MYCBP2: variants seen among roughly 807,000 people sequenced by gnomAD.
The protein encoded by MYCBP2 is E3 ubiquitin-protein ligase MYCBP2.
In MYCBP2, 120 loss-of-function variants were observed where a neutral mutation model predicts 525.3. The observed-to-expected ratio is 0.23, with a 90% CI of 0.20 to 0.27. The LOEUF (loss-of-function observed/expected upper bound fraction) is 0.27, where lower values mean the gene tolerates loss of function less well. Among genes scored for constraint, MYCBP2 ranks in the 10% least tolerant of loss-of-function variants. The probability of loss-of-function intolerance (pLI) is 1.00; values close to 1 mark genes in which losing one functional copy is unlikely to be tolerated. For synonymous variants in MYCBP2, 1,894 were observed against 1,955.8 expected, an observed-to-expected ratio of 0.97 and a Z score of 0.83; for missense variants, 4,149 against 5,657.1, an observed-to-expected ratio of 0.73 and a Z score of 8.55.
At chr13:77,107,478 C>T (rs552180138) in intron 55 of MYCBP2, among the ~76,000 whole-genome samples, 3 of 152,172 alleles carry the variant, frequency 2.0e-5, no homozygotes, top group African/African-American at 4.8e-5. Context: ...GGCTCAAGTC[C>T]GTTATCCTAG....
intron 1 of MYCBP2, among the ~76,000 whole-genome samples, chr13:77,300,985 G>A (rs939791113): frequency 1.3e-5 from 2 of 152,154 alleles, no homozygotes; most frequent in Non-Finnish European, 2.9e-5. Flanking sequence ...AAGGAAACAA[G>A]AGACTAGTAG....
chr13:77,062,649 C>G lies in MYCBP2; in HGVS notation c.12721G>C (p.Asp4241His). ...ATCCATCTCCCCGAGGAGAGACGATCTACGTGGTCCTGATCAAGAACACAT... is the reference window on the plus strand; with the variant it reads ...ATCCATCTCCCCGAGGAGAGACGATGTACGTGGTCCTGATCAAGAACACAT... ...SLCVLDQDHV[D>H]RLSSGRWMGK... Residue 4241 changes from aspartate (D) to histidine (H), a missense_variant, in exon 74 of 83, where the codon GAT becomes CAT. By Grantham distance (81) the Asp-to-His change is moderately conservative (BLOSUM62 -1). Transcript: ENST00000544440. 1.9e-6 allele frequency: 3 copies of G among 1,614,194 alleles called. No individual in the cohort carries two copies. Among genetic ancestry groups the G allele is most frequent in the Non-Finnish European group, 2.5e-6 (3 of 1,180,010 alleles).
intron 21 of MYCBP2, among the ~76,000 whole-genome samples, chr13:77,213,110 C>T (rs1314756406): frequency 6.6e-6 from 1 of 152,202 alleles, no homozygotes. Context: ...GCAGCCAAAA[C>T]ACTCAACATT....
In MYCBP2 at chr13:77,327,076, C is replaced by G; in HGVS notation, c.-301G>C. ...GCTACCACCGCCACCACCGCCGGGG[C>G]TACCCGCAATGGGAAGCTGCCGGCC... On this transcript the variant is annotated 5_prime_UTR_variant, in exon 1 of 83. Coordinates refer to ENST00000544440, the MANE Select transcript of MYCBP2 (RefSeq NM_015057.5). 8 of 439,598 alleles carry G rather than the reference C, an allele frequency of 1.8e-5. No homozygotes were observed. The Admixed American group carries it at 2.6e-4, about 14-fold the overall frequency. The allele number at this position is 439,598 out of a possible 1,614,324, so 27.2% of individuals were successfully genotyped here. A position where few individuals can be genotyped will look rare whatever the true frequency, so the allele number is the denominator to read the frequency against.
At chr13:77,103,795 G>A (rs73541767) in intron 55 of MYCBP2, among the ~76,000 whole-genome samples, 3,332 of 151,932 alleles carry the variant, frequency 0.022, 122 homozygotes, top group African/African-American at 0.076. Context: ...GAATGGACTC[G>A]GGGTGACACT....
intron 1 of MYCBP2, among the ~76,000 whole-genome samples, chr13:77,317,740 C>T (rs1160113389): frequency 6.6e-6 from 1 of 152,118 alleles, no homozygotes; most frequent in African/African-American, 2.4e-5. Flanking sequence ...AGTTCGAGAC[C>T]ATCCTGGTCC....
At chr13:77,190,205 T>C (rs1204111960) in intron 29 of MYCBP2, 47 bp downstream of exon 29, 7 of 1,271,576 alleles carry the variant, frequency 5.5e-6, no homozygotes, top group South Asian at 1.5e-5. Context: ...TACTTCATTA[T>C]AGCAAAATAA....
chr13:77,261,335 T>C lies in MYCBP2; in HGVS notation c.1688A>G (p.Gln563Arg). ...CCATTTTCCTGCTGAAGGACCACCT[T>C]GTTTGATTCCAAGACTCTGGTATTT... The part of the protein sequence containing the change: ...TGKYQSLGIK[Q>R]GGPSAGKWVE... Residue 563 changes from glutamine to arginine, a missense_variant, in exon 12 of 83, where the codon CAA becomes CGA. By Grantham distance (43) the Gln-to-Arg change is conservative. Transcript: ENST00000544440. The C allele has an allele frequency of 6.2e-7, 1 of 1,613,334 alleles. No individual in the cohort carries two copies. Among genetic ancestry groups the C allele is most frequent in the Non-Finnish European group, 8.5e-7 (1 of 1,179,628 alleles).
At chr13:77,180,394 C>CT in intron 33 of MYCBP2, 76 bp from the exon 34 acceptor site, 1 of 1,216,778 alleles carries the variant, frequency 8.2e-7, no homozygotes, top group East Asian at 2.4e-5. Context: ...AAAACCTTGT[C>CT]TTTCTGATAC....
At position 77,127,149 on chromosome 13, in the gene MYCBP2, T is replaced by C. The variant is rs79752193; in HGVS notation, c.7660-607A>G. Among the ~76,000 whole-genome samples the C allele has an allele frequency of 9.6e-3, 1,456 of 152,128 alleles. 25 individuals are homozygous for C. The highest frequency in any genetic ancestry group is 0.033 in the African/African-American group (1,360 of 41,566). On this transcript the variant is annotated intron_variant, in intron 52 of 82. Transcript: ENST00000544440. ...TAACAACTTATACTCTCTAATATTG[T>C]ACAAATAAAAACGTCTTGCTAGATT... is the stretch of plus-strand genomic sequence containing the variant.
rs1023193929 is a variant in MYCBP2, at chr13:77,095,306, C to T, written c.10199+52G>A. 3.1e-6 allele frequency: 5 copies of T among 1,597,890 alleles called. No homozygotes were observed. In the African/African-American group the frequency reaches 6.7e-5, roughly 21 times the overall value. ...CCGAACTACCCTAGATATCAATAAA[C>T]AATCGCTGTTAATCCAAAGGTGATT... is the stretch of plus-strand genomic sequence containing the variant. On this transcript the variant is annotated intron_variant, in intron 58 of 82. Transcript: ENST00000544440.
chr13:77,122,172 C>G (rs1416710972), intron 54 of MYCBP2, among the ~76,000 whole-genome samples: 1 of 151,800 alleles, frequency 6.6e-6, no homozygotes, highest in Non-Finnish European at 1.5e-5. Context: ...CTAAATTAAT[C>G]CCCTATGAAC....
At position 77,262,126 on chromosome 13, in the gene MYCBP2, G is replaced by A. The variant is rs761729270; in HGVS notation, c.1574C>T (p.Thr525Ile). Residue 525 changes from threonine to isoleucine, a missense_variant, in exon 11 of 83, where the codon ACA (threonine) becomes ATA (isoleucine). This residue lies in a region of MYCBP2 where 262 missense variants were observed against 419.3 expected (regional missense o/e 0.62). Coordinates refer to ENST00000544440, the MANE Select transcript of MYCBP2 (RefSeq NM_015057.5). ...AATTGCTGACTCCTCATCAAATCCT[G>A]TACCTGAAATACGAGACTAATAAAT... ...DLEKDLHIIS[T>I]GFDEESAILG... 6.2e-7 allele frequency: 1 copy of A among 1,606,090 alleles called. No homozygotes were observed. Among genetic ancestry groups the A allele is most frequent in the Admixed American group, 1.7e-5 (1 of 59,718 alleles).
chr13:77,319,305 G>A (rs2081322172), intron 1 of MYCBP2, among the ~76,000 whole-genome samples: 1 of 152,138 alleles, frequency 6.6e-6, no homozygotes, highest in Admixed American at 6.5e-5. Context: ...GGCCACTTCT[G>A]CAGGCCCAGA....
At chr13:77,169,175 G>A (rs1007132210) in intron 39 of MYCBP2, among the ~76,000 whole-genome samples, 4 of 152,250 alleles carry the variant, frequency 2.6e-5, no homozygotes, top group African/African-American at 4.8e-5. Context: ...TTGGGAGGGC[G>A]AGGCGGGCGG....
intron 21 of MYCBP2, among the ~76,000 whole-genome samples, chr13:77,213,794 C>T (rs766973606): frequency 6.6e-6 from 1 of 152,158 alleles, no homozygotes; most frequent in Admixed American, 6.5e-5. Flanking sequence ...TCAAAAGACA[C>T]AAAAATATGC....
chr13:77,153,018 T>C (rs2056715022), intron 46 of MYCBP2, among the ~76,000 whole-genome samples: 1 of 135,970 alleles, frequency 7.4e-6, no homozygotes, highest in African/African-American at 2.8e-5. Context: ...TGAGCTGAAA[T>C]CGTGCCACTG....
intron 1 of MYCBP2, among the ~76,000 whole-genome samples, chr13:77,310,132 AAAAC>A (rs2079991437): frequency 6.6e-6 from 1 of 152,178 alleles, no homozygotes; most frequent in Non-Finnish European, 1.5e-5. Context: ...CAAAAAAAAG[AAAAC>A]AAACAAAAAA....
Position 77,326,449 on chromosome 13 carries a change from A to C in MYCBP2, c.302+25T>G, listed in dbSNP as rs772344140. On this transcript the variant is annotated intron_variant, in intron 1 of 82. Transcript: ENST00000544440. This position sits in a 1 kb window ranked among gnomAD's most constrained non-coding sequence, Gnocchi z 4.2. ...CGCAAGGAAGGGCGGCATGGGGCGC[A>C]AGGAAGGGCACCCTGGGGACGCACC... 1 of 1,526,130 alleles carries C rather than the reference A, an allele frequency of 6.6e-7. No homozygotes were observed. The highest frequency in any genetic ancestry group is 1.4e-5 in the African/African-American group (1 of 69,600). 94.5% of individuals were successfully genotyped at this position (1,526,130 alleles called of 1,614,324 possible).
Sources: allele counts gnomAD v4.1 joint callset (sites outside exome capture counted in the v4.1 genomes callset), GRCh38; gene constraint gnomAD v4.1.1; regional missense constraint gnomAD v4.1.1; non-coding constraint Gnocchi (gnomAD v3.1); transcripts MANE v1.5; gene names NCBI Gene and HGNC (gene_info 2026-07-23, HGNC 2026-07-21).